The following NBDY variants were observed in gnomAD, a reference collection of about 807,000 sequenced individuals.
The protein encoded by NBDY is P-body dissociating protein.
chrX:56,755,209 C>T (rs2069603737), intron 2 of NBDY, among the ~76,000 whole-genome samples: 1 of 112,106 alleles, frequency 8.9e-6, no homozygotes, highest in South Asian at 3.7e-4. Context: ...TTAGGCAATA[C>T]CATTCACGAC....
rs187523277 is a variant in NBDY, at chrX:56,747,864, G to T, written c.*166+15665G>T. Reference sequence around the variant, plus strand: ...TTTATGAAGTATTATTGATTAGATGGTGTATCAATCAGGGTTCAACCAGAG... The same window carrying T: ...TTTATGAAGTATTATTGATTAGATGTTGTATCAATCAGGGTTCAACCAGAG... On this transcript the variant is annotated intron_variant, in intron 2 of 2. Transcript: ENST00000374922. Among the ~76,000 whole-genome samples the T allele has an allele frequency of 3.6e-5, 4 of 111,499 alleles. No individual in the cohort carries two copies. In the East Asian group the frequency reaches 1.1e-3, roughly 32 times the overall value.
Position 56,818,374 on chromosome X carries a change from T to A in NBDY, c.*1221T>A, listed in dbSNP as rs1392464150. The A allele has an allele frequency of 8.9e-6, 1 of 111,909 alleles. No homozygotes were observed. Among genetic ancestry groups the A allele is most frequent in the Non-Finnish European group, 1.9e-5 (1 of 53,138 alleles). The allele number at this position is 111,909 out of a possible 1,213,427, so 9.2% of individuals were successfully genotyped here. On this transcript the variant is annotated 3_prime_UTR_variant, in exon 3 of 3. Transcript: ENST00000374922. Reference sequence around the variant, plus strand: ...CATCAGAATTAAAGAATCTGAAAAATCACAAATGGAGGTATGGTGACATTT... The same window carrying A: ...CATCAGAATTAAAGAATCTGAAAAAACACAAATGGAGGTATGGTGACATTT...
intron 2 of NBDY, among the ~76,000 whole-genome samples, chrX:56,799,906 A>AG (rs1308591668): frequency 4.5e-5 from 5 of 111,297 alleles, no homozygotes; most frequent in African/African-American, 1.6e-4. Context: ...TTCTCTGGGC[A>AG]GGGGGTCCCA....
chrX:56,767,465 T>C (rs1164572323), intron 2 of NBDY, among the ~76,000 whole-genome samples: 1 of 113,027 alleles, frequency 8.8e-6, no homozygotes, highest in Non-Finnish European at 1.9e-5. Flanking sequence ...CGGAGCCGGC[T>C]CCCTCAGCTT....
At chrX:56,805,871 G>T (rs141937048) in intron 2 of NBDY, among the ~76,000 whole-genome samples, 1 of 110,945 alleles carries the variant, frequency 9.0e-6, no homozygotes, top group Admixed American at 9.6e-5. Context: ...TGCAGAACAC[G>T]CAGGTTTGTT....
chrX:56,804,322 G>C (rs1178003159), intron 2 of NBDY, among the ~76,000 whole-genome samples: 7 of 111,889 alleles, frequency 6.3e-5, no homozygotes, highest in Admixed American at 4.7e-4. Flanking sequence ...GATGAGACTC[G>C]ACAGATTGGA....
At chrX:56,735,245 A>G (rs2069481419) in intron 2 of NBDY, among the ~76,000 whole-genome samples, 1 of 112,521 alleles carries the variant, frequency 8.9e-6, no homozygotes, top group Non-Finnish European at 1.9e-5. Flanking sequence ...AACAAGCAGG[A>G]CGATAACCAT....
At position 56,729,485 on chromosome X, in the gene NBDY, T is replaced by A. The variant is rs1262126080; in HGVS notation, c.132T>A (p.Gly44=). 1 of 295,484 alleles carries A rather than the reference T, an allele frequency of 3.4e-6. No homozygotes were observed. The highest frequency in any genetic ancestry group is 5.9e-6 in the Non-Finnish European group (1 of 169,809). 24.4% of individuals were successfully genotyped at this position (295,484 alleles called of 1,213,427 possible). A position where few individuals can be genotyped will look rare whatever the true frequency, so the allele number is the denominator to read the frequency against. Residue 44 remains glycine (G), a synonymous_variant, in exon 1 of 3, where the codon GGT becomes GGA. Coordinates refer to ENST00000374922, the MANE Select transcript of NBDY (RefSeq NM_001348129.2). ...ATCCGGAAGGAACTCCCAACGGAGG[T>A]AGTACCACTCTACCCTCCGCACCTC... ...WDYPEGTPNG[G]STTLPSAPPP... is the part of the protein sequence containing the mutation.
intron 1 of NBDY, among the ~76,000 whole-genome samples, chrX:56,730,369 G>GGCGT (rs1377004184): frequency 9.4e-6 from 1 of 106,866 alleles, no homozygotes; most frequent in Non-Finnish European, 1.9e-5. Flanking sequence ...AAATTAGCCA[G>GGCGT]GCGTGATGGT....
At chrX:56,762,393 G>C (rs750582209) in intron 2 of NBDY, among the ~76,000 whole-genome samples, 2 of 108,159 alleles carry the variant, frequency 1.8e-5, no homozygotes, top group African/African-American at 6.8e-5. Context: ...CGAGACAAAT[G>C]TTCTATGGAG....
chrX:56,735,072 C>A (rs1192645397), intron 2 of NBDY, among the ~76,000 whole-genome samples: 2 of 111,953 alleles, frequency 1.8e-5, no homozygotes, highest in Non-Finnish European at 3.8e-5. Flanking sequence ...GGACAACAAG[C>A]CTGTGTGTTT....
At chrX:56,809,008 C>T (rs573743463) in intron 2 of NBDY, among the ~76,000 whole-genome samples, 4 of 112,352 alleles carry the variant, frequency 3.6e-5, no homozygotes, top group African/African-American at 1.3e-4. Context: ...GCCTTTATTT[C>T]GTTATTTACG....
chrX:56,804,170 G>A (rs867480913), intron 2 of NBDY, among the ~76,000 whole-genome samples: 2 of 112,251 alleles, frequency 1.8e-5, no homozygotes, highest in East Asian at 5.6e-4. Context: ...CTGCCTGCTT[G>A]TGAGCACTAC....
intron 2 of NBDY, among the ~76,000 whole-genome samples, chrX:56,784,667 G>T (rs962171061): frequency 9.0e-6 from 1 of 111,476 alleles, no homozygotes; most frequent in Admixed American, 9.5e-5. Context: ...TGTTGGGTGG[G>T]ATGGTGGTAG....
chrX:56,783,960 C>T (rs747250465), intron 2 of NBDY, among the ~76,000 whole-genome samples: 2 of 112,553 alleles, frequency 1.8e-5, no homozygotes, highest in South Asian at 3.7e-4. Flanking sequence ...CTCTGCCTCC[C>T]TCCTTCTTCT....
intron 1 of NBDY, among the ~76,000 whole-genome samples, chrX:56,730,276 G>T (rs1387228519): frequency 9.3e-6 from 1 of 107,971 alleles, no homozygotes; most frequent in Admixed American, 1.0e-4. Context: ...AGCACTTTGG[G>T]ATGCCGAGGT....
At chrX:56,763,696 G>T (rs920002798) in intron 2 of NBDY, among the ~76,000 whole-genome samples, 5 of 112,641 alleles carry the variant, frequency 4.4e-5, no homozygotes, top group South Asian at 3.7e-4. Flanking sequence ...AAGGGCAAAG[G>T]CTGGCTCCCT....
At chrX:56,745,929 TAC>T (rs1249501173) in intron 2 of NBDY, among the ~76,000 whole-genome samples, 3 of 111,786 alleles carry the variant, frequency 2.7e-5, no homozygotes, top group African/African-American at 9.8e-5. Flanking sequence ...AGAGCATAGA[TAC>T]CTTTGGGGAT....
chrX:56,739,952 T>A (rs1015420243), intron 2 of NBDY, among the ~76,000 whole-genome samples: 17 of 111,971 alleles, frequency 1.5e-4, no homozygotes, highest in Non-Finnish European at 3.2e-4. Context: ...TTAGTTTATA[T>A]TCTACATCAA....
Sources: gnomAD v4.1 joint callset for allele counts (sites outside exome capture counted in the v4.1 genomes callset) on GRCh38, gnomAD v4.1.1 for gene constraint, MANE v1.5 for transcripts, NCBI Gene and HGNC (gene_info 2026-07-23, HGNC 2026-07-21) for gene names.